The following SCRG1 variants were observed in gnomAD, a reference collection of about 807,000 sequenced individuals.
SCRG1 encodes the protein stimulator of chondrogenesis 1.
In SCRG1, 3 loss-of-function variants were observed where a neutral mutation model predicts 7.7. That is an observed-to-expected ratio of 0.39 (90% CI 0.18 to 1.01). The LOEUF is 1.01. Ranked by LOEUF, SCRG1 falls within the 50% of genes least tolerant of loss-of-function variation. SCRG1 has a pLI of 0.36. For synonymous variants in SCRG1, 46 were observed against 41.2 expected, an observed-to-expected ratio of 1.12 and a Z score of -0.44; for missense variants, 110 against 117.2, an observed-to-expected ratio of 0.94 and a Z score of 0.28.
upstream of SCRG1, among the ~76,000 whole-genome samples, chr4:173,409,863 A>G (rs546086899): frequency 5.3e-5 from 8 of 152,262 alleles, no homozygotes; most frequent in Admixed American, 2.0e-4. Flanking sequence ...TTCTGGGATT[A>G]CAGGTGTGAG....
the SCRG1 span, among the ~76,000 whole-genome samples, chr4:173,486,595 C>T: frequency 6.6e-6 from 1 of 152,186 alleles, no homozygotes; most frequent in Non-Finnish European, 1.5e-5. Context: ...CAGCAGACAG[C>T]TTCCTACCCA....
upstream of SCRG1, among the ~76,000 whole-genome samples, chr4:173,411,304 T>C (rs1740028155): frequency 6.6e-6 from 1 of 152,258 alleles, no homozygotes; most frequent in Non-Finnish European, 1.5e-5. Flanking sequence ...TTGTACCTTG[T>C]GGCTACAAAG....
the SCRG1 span, among the ~76,000 whole-genome samples, chr4:173,476,363 A>AAAAAAAAAAATATATATATATATATAT: frequency 1.7e-4 from 17 of 98,482 alleles, no homozygotes; most frequent in East Asian, 1.1e-3. Context: ...GGAAAAAAAA[A>AAAAAAAAAAATATATATATATATATAT]ATATATATAT....
chr4:173,419,598 G>T, the SCRG1 span: 2 of 722,624 alleles, frequency 2.8e-6, no homozygotes, highest in Non-Finnish European at 5.0e-6. Context: ...TCATAACCAA[G>T]GATTCATTTG....
At chr4:173,460,155 T>A in the SCRG1 span, among the ~76,000 whole-genome samples, 1 of 152,116 alleles carries the variant, frequency 6.6e-6, no homozygotes. Flanking sequence ...AAGTACCTGG[T>A]TTTAACTTCA....
the SCRG1 span, among the ~76,000 whole-genome samples, chr4:173,509,709 C>A: frequency 2.6e-5 from 4 of 152,084 alleles, no homozygotes; most frequent in Non-Finnish European, 2.9e-5. The surrounding 1 kb of genome is among the most constrained non-coding windows in gnomAD (Gnocchi z 5.7). Flanking sequence ...GCGGTGTCCG[C>A]GCCCCTCCCC....
the SCRG1 span, among the ~76,000 whole-genome samples, chr4:173,488,404 C>T: frequency 6.6e-6 from 1 of 152,130 alleles, no homozygotes; most frequent in Non-Finnish European, 1.5e-5. Context: ...GGGAAATCAG[C>T]CTCTTATGAA....
upstream of SCRG1, among the ~76,000 whole-genome samples, chr4:173,401,192 T>C (rs553268242): frequency 1.1e-4 from 17 of 152,282 alleles, no homozygotes; most frequent in Non-Finnish European, 2.2e-4. Flanking sequence ...GCAAGTGGCA[T>C]GGACCTCAGG....
At chr4:173,441,126 G>A in the SCRG1 span, among the ~76,000 whole-genome samples, 1 of 152,104 alleles carries the variant, frequency 6.6e-6, no homozygotes, top group Non-Finnish European at 1.5e-5. Context: ...GATGATCAAA[G>A]GATGTTTCCT....
the SCRG1 span, among the ~76,000 whole-genome samples, chr4:173,514,489 C>T: frequency 6.6e-6 from 1 of 152,164 alleles, no homozygotes; most frequent in Non-Finnish European, 1.5e-5. Context: ...TTCTCCCTTC[C>T]CAAGGCTTTA....
chr4:173,517,900 G>C, the SCRG1 span, among the ~76,000 whole-genome samples: 17 of 152,240 alleles, frequency 1.1e-4, no homozygotes, highest in Non-Finnish European at 1.8e-4. Context: ...GGCAGGGCCA[G>C]AGCGAGAGCG....
the SCRG1 span, among the ~76,000 whole-genome samples, chr4:173,491,217 C>CTTTTTTTTTTTTTTTT: frequency 5.3e-5 from 7 of 133,054 alleles, no homozygotes; most frequent in South Asian, 1.7e-3. Context: ...CTCTCTCTCT[C>CTTTTTTTTTTTTTTTT]TTTTTTTTTT....
chr4:173,468,478 A>G, the SCRG1 span: 1 of 152,186 alleles, frequency 6.6e-6, no homozygotes, highest in Non-Finnish European at 1.5e-5. Context: ...CTAGATAAGT[A>G]TTGAATAACA....
the SCRG1 span, among the ~76,000 whole-genome samples, chr4:173,484,529 A>G: frequency 2.4e-5 from 2 of 84,082 alleles, no homozygotes; most frequent in East Asian, 3.6e-4. Context: ...TATAATATAT[A>G]TTATATATTA....
chr4:173,423,026 A>G, the SCRG1 span, among the ~76,000 whole-genome samples: 61,230 of 151,954 alleles, frequency 0.4, 14,937 homozygotes, highest in East Asian at 0.6. Context: ...GCTAACCTCA[A>G]GGAGACTTCG....
chr4:173,431,096 T>C, the SCRG1 span, among the ~76,000 whole-genome samples: 10 of 152,156 alleles, frequency 6.6e-5, no homozygotes, highest in African/African-American at 2.4e-4. Flanking sequence ...GTGACAAACT[T>C]GCACGGGTAC....
At chr4:173,500,832 A>G in the SCRG1 span, among the ~76,000 whole-genome samples, 1 of 150,518 alleles carries the variant, frequency 6.6e-6, no homozygotes, top group South Asian at 2.1e-4. Context: ...GGAGTTTATT[A>G]AATAGTCACT....
the SCRG1 span, among the ~76,000 whole-genome samples, chr4:173,482,552 T>C: frequency 6.6e-6 from 1 of 152,114 alleles, no homozygotes; most frequent in East Asian, 1.9e-4. Flanking sequence ...GCACAGTGGC[T>C]CATGTCTGTA....
At chr4:173,476,363 A>AAAAAAAAAATATATATATATATAT in the SCRG1 span, among the ~76,000 whole-genome samples, 187 of 98,452 alleles carry the variant, frequency 1.9e-3, 1 homozygote, top group East Asian at 5.8e-3. Context: ...GGAAAAAAAA[A>AAAAAAAAAATATATATATATATAT]ATATATATAT....
Sources: allele counts gnomAD v4.1 joint callset (sites outside exome capture counted in the v4.1 genomes callset), GRCh38; gene constraint gnomAD v4.1.1; non-coding constraint Gnocchi (gnomAD v3.1); transcripts MANE v1.5; gene names NCBI Gene and HGNC (gene_info 2026-07-23, HGNC 2026-07-21).